The following C1orf21 variants were observed in gnomAD, a reference collection of about 807,000 sequenced individuals.
C1orf21 encodes the protein chromosome 1 open reading frame 21, also known as uncharacterized protein C1orf21.
In C1orf21, 3 loss-of-function variants were observed where a neutral mutation model predicts 18.7. The observed-to-expected ratio is 0.16, with a 90% CI of 0.07 to 0.42. The LOEUF (loss-of-function observed/expected upper bound fraction) is 0.42. C1orf21 is among the 10% of genes least tolerant of loss of function. The pLI is 0.99. For missense variants in C1orf21, 104 were observed against 143.6 expected (o/e 0.72, Z 1.41); for synonymous variants, 41 against 46.4 (o/e 0.88, Z 0.47).
chr1:184,417,779 G>T (rs1656477726), intron 1 of C1orf21, among the ~76,000 whole-genome samples: 1 of 152,194 alleles, frequency 6.6e-6, no homozygotes, highest in South Asian at 2.1e-4. Context: ...CTCCCATCTT[G>T]GAATGGTGAA....
intron 5 of C1orf21, among the ~76,000 whole-genome samples, chr1:184,604,496 C>T (rs891243505): frequency 2.6e-5 from 4 of 152,172 alleles, no homozygotes; most frequent in Admixed American, 2.0e-4. Context: ...ATATTTTAAC[C>T]AAGTTGCTTT....
intron 3 of C1orf21, among the ~76,000 whole-genome samples, chr1:184,576,749 G>T (rs1442235343): frequency 1.3e-5 from 2 of 152,236 alleles, no homozygotes; most frequent in Non-Finnish European, 2.9e-5. Flanking sequence ...GGGTACTGCT[G>T]CCCGAGTGGT....
chr1:184,501,858 G>A (rs1051063422), intron 2 of C1orf21, among the ~76,000 whole-genome samples: 2 of 152,048 alleles, frequency 1.3e-5, no homozygotes, highest in South Asian at 2.1e-4. Context: ...GGAGTTCATA[G>A]AAGTCAATAA....
At chr1:184,491,329 T>C (rs1326590462) in intron 2 of C1orf21, among the ~76,000 whole-genome samples, 1 of 151,940 alleles carries the variant, frequency 6.6e-6, no homozygotes, top group Non-Finnish European at 1.5e-5. Flanking sequence ...CATTAGTGTG[T>C]GTAGTACTTT....
At position 184,599,965 on chromosome 1, in the gene C1orf21, A is replaced by G. The variant is rs530587929; in HGVS notation, c.327+1504A>G. Among the ~76,000 whole-genome samples the G allele has an allele frequency of 4.6e-5, 7 of 152,338 alleles. No individual in the cohort carries two copies. The South Asian group carries it at 1.2e-3, about 27-fold the overall frequency. ...AGGCATTTCAGATAAGGAATACTCA[A>G]CCTGTATTTTCTTCCCACTGAAACG... On this transcript the variant is annotated intron_variant, in intron 5 of 5. Coordinates refer to ENST00000235307, the MANE Select transcript of C1orf21 (RefSeq NM_030806.4).
In C1orf21 at chr1:184,601,032, T is replaced by C. The variant is rs75993414; in HGVS notation, c.327+2571T>C. Among the ~76,000 whole-genome samples, 257 of 152,374 alleles carry C rather than the reference T, an allele frequency of 1.7e-3. 5 individuals carry two copies. The East Asian group carries it at 0.037, about 22-fold the overall frequency. ...TGGTCATTTACCATTGCTAAATATT[T>C]ATTTGGTCCAGGCTAGCATGAGGAC... On this transcript the variant is annotated intron_variant, in intron 5 of 5. Coordinates refer to ENST00000235307, the MANE Select transcript of C1orf21 (RefSeq NM_030806.4).
intron 1 of C1orf21, among the ~76,000 whole-genome samples, chr1:184,438,222 A>G (rs1485721798): frequency 6.6e-6 from 1 of 152,212 alleles, no homozygotes; most frequent in Non-Finnish European, 1.5e-5. Context: ...TGATGAAGGT[A>G]ATATAGAACT....
At chr1:184,464,841 AG>A (rs1369222251) in intron 1 of C1orf21, among the ~76,000 whole-genome samples, 1 of 152,196 alleles carries the variant, frequency 6.6e-6, no homozygotes, top group African/African-American at 2.4e-5. Flanking sequence ...AGCAGTAGGA[AG>A]AGGCAACAGC....
chr1:184,552,893 A>G (rs933901930), intron 3 of C1orf21, among the ~76,000 whole-genome samples: 2 of 152,248 alleles, frequency 1.3e-5, no homozygotes, highest in Non-Finnish European at 2.9e-5. Flanking sequence ...CATATTTGGT[A>G]TTTATACCAA....
At chr1:184,455,677 T>C (rs1657187981) in intron 1 of C1orf21, among the ~76,000 whole-genome samples, 1 of 152,186 alleles carries the variant, frequency 6.6e-6, no homozygotes, top group Non-Finnish European at 1.5e-5. Context: ...AAAACTTCAT[T>C]CCTTGTTCCC....
intron 1 of C1orf21, among the ~76,000 whole-genome samples, chr1:184,475,642 A>G (rs1657559376): frequency 6.6e-6 from 1 of 152,084 alleles, no homozygotes; most frequent in Non-Finnish European, 1.5e-5. Context: ...TCTCTTCTCC[A>G]TAAGGCCCCT....
chr1:184,430,090 C>T (rs551138720), intron 1 of C1orf21, among the ~76,000 whole-genome samples: 102 of 136,866 alleles, frequency 7.5e-4, no homozygotes, highest in Middle Eastern at 4.2e-3. Flanking sequence ...CCAGCCTGGG[C>T]GACAGAGCGA....
chr1:184,595,577 G>C (rs528768934), intron 4 of C1orf21, among the ~76,000 whole-genome samples: 3 of 152,158 alleles, frequency 2.0e-5, no homozygotes, highest in Non-Finnish European at 4.4e-5. Context: ...TTCTGTCCCT[G>C]CCCCATTGAA....
intron 1 of C1orf21, among the ~76,000 whole-genome samples, chr1:184,447,506 C>T (rs1657052870): frequency 6.6e-6 from 1 of 152,138 alleles, no homozygotes; most frequent in Non-Finnish European, 1.5e-5. Flanking sequence ...TCTTTATCTC[C>T]ACCTAACAAC....
At chr1:184,429,345 G>T (rs991969582) in intron 1 of C1orf21, among the ~76,000 whole-genome samples, 1 of 152,198 alleles carries the variant, frequency 6.6e-6, no homozygotes, top group African/African-American at 2.4e-5. Flanking sequence ...GTAACTGGTT[G>T]TAGGAAAGGT....
chr1:184,546,593 G>A (rs889479188), intron 3 of C1orf21, among the ~76,000 whole-genome samples: 5 of 152,210 alleles, frequency 3.3e-5, no homozygotes, highest in South Asian at 2.1e-4. Flanking sequence ...AGATATCAAT[G>A]ACTACAGACC....
At chr1:184,444,669 T>C (rs1222605606) in intron 1 of C1orf21, among the ~76,000 whole-genome samples, 1 of 152,194 alleles carries the variant, frequency 6.6e-6, no homozygotes, top group African/African-American at 2.4e-5. Flanking sequence ...TTGGACCTAC[T>C]TCCTTTATAT....
At chr1:184,503,077 CAAA>C (rs199599189) in intron 2 of C1orf21, among the ~76,000 whole-genome samples, 3 of 61,636 alleles carry the variant, frequency 4.9e-5, no homozygotes, top group African/African-American at 1.4e-4. Flanking sequence ...GAAACTGTCT[CAAA>C]AAAAAAAAAA....
intron 5 of C1orf21, among the ~76,000 whole-genome samples, chr1:184,618,367 A>G (rs1469480477): frequency 6.6e-6 from 1 of 152,218 alleles, no homozygotes; most frequent in African/African-American, 2.4e-5. Flanking sequence ...TTCATTTTAC[A>G]GATGAAGAAA....
Sources: gnomAD v4.1 joint callset for allele counts (sites outside exome capture counted in the v4.1 genomes callset) on GRCh38, gnomAD v4.1.1 for gene constraint, MANE v1.5 for transcripts, NCBI Gene and HGNC (gene_info 2026-07-23, HGNC 2026-07-21) for gene names.